Variants in LOXL2 observed in about 807,000 individuals in gnomAD.
LOXL2 encodes lysyl oxidase homolog 2.
A neutral mutation model predicts 93.0 loss-of-function variants in LOXL2; 70 were observed. The observed-to-expected ratio is 0.75, with a 90% CI of 0.62 to 0.92. The LOEUF (loss-of-function observed/expected upper bound fraction) is 0.92, where lower values mean the gene tolerates loss of function less well. Among genes scored for constraint, LOXL2 ranks in the 40% least tolerant of loss-of-function variants. The probability of loss-of-function intolerance (pLI) is 0.00; values close to 1 mark genes in which losing one functional copy is unlikely to be tolerated. For synonymous variants in LOXL2, 438 were observed against 413.2 expected, an observed-to-expected ratio of 1.06 and a Z score of -0.73; for missense variants, 973 against 1,054.9, an observed-to-expected ratio of 0.92 and a Z score of 1.08.
At chr8:23,380,474 A>C (rs769433615) in intron 1 of LOXL2, among the ~76,000 whole-genome samples, 9 of 151,714 alleles carry the variant, frequency 5.9e-5, no homozygotes, top group Non-Finnish European at 1.3e-4. Context: ...TGGATTATCC[A>C]ATCTGTGGGA....
At chr8:23,342,349 G>A (rs1346284187) in intron 3 of LOXL2, among the ~76,000 whole-genome samples, 2 of 152,046 alleles carry the variant, frequency 1.3e-5, no homozygotes, top group African/African-American at 2.4e-5. Context: ...GCCATCACCA[G>A]CTCTTGCGAC....
Position 23,303,300 on chromosome 8 carries a change from C to T in LOXL2, c.1978G>A (p.Asp660Asn). The T allele has an allele frequency of 6.2e-7, 1 of 1,612,498 alleles. No homozygotes were observed. Among genetic ancestry groups the T allele is most frequent in the South Asian group, 1.1e-5 (1 of 91,040 alleles). Residue 660 changes from aspartate (D) to asparagine (N), a missense_variant, in exon 11 of 14, where the codon GAC becomes AAC. Asp to Asn is a conservative substitution (Grantham distance 23). Transcript: ENST00000389131. Reference protein sequence around the residue: ...EGHKASFCLEDTECEGDIQKN... With the variant: ...EGHKASFCLENTECEGDIQKN... ...CAGATACCTCCTTCACATTCTGTGTCCTCCAAGCAGAAGCTGGCCTTGTGG... is the reference window on the plus strand; with the variant it reads ...CAGATACCTCCTTCACATTCTGTGTTCTCCAAGCAGAAGCTGGCCTTGTGG...
chr8:23,357,122 C>T (rs1017234056), intron 3 of LOXL2, among the ~76,000 whole-genome samples: 1 of 151,476 alleles, frequency 6.6e-6, no homozygotes, highest in African/African-American at 2.4e-5. Context: ...CAGGCTGGAG[C>T]GCAATGGCAG....
chr8:23,358,396 G>C (rs1483399999), intron 3 of LOXL2, among the ~76,000 whole-genome samples: 1 of 152,224 alleles, frequency 6.6e-6, no homozygotes, highest in East Asian at 1.9e-4. Context: ...AGCCATGACA[G>C]TAAAGGCCAC....
chr8:23,387,211 G>C (rs1425876382), intron 1 of LOXL2, among the ~76,000 whole-genome samples: 1 of 152,212 alleles, frequency 6.6e-6, no homozygotes, highest in Non-Finnish European at 1.5e-5. Context: ...GCACGGCTGA[G>C]AACCCTCTTA....
chr8:23,376,658 T>G (rs1339263517), intron 1 of LOXL2, among the ~76,000 whole-genome samples: 5 of 152,202 alleles, frequency 3.3e-5, no homozygotes, highest in Non-Finnish European at 5.9e-5. Flanking sequence ...TCTTCCTGGT[T>G]TAGTCTTGGG....
intron 4 of LOXL2, among the ~76,000 whole-genome samples, chr8:23,333,942 G>T (rs12681828): frequency 2.0e-5 from 3 of 152,044 alleles, no homozygotes; most frequent in Non-Finnish European, 2.9e-5. Context: ...AATGCACAAA[G>T]GTATTTAAAA....
intron 8 of LOXL2, 69 bp downstream of exon 8, chr8:23,319,816 G>T: frequency 6.6e-7 from 1 of 1,512,658 alleles, no homozygotes; most frequent in Non-Finnish European, 9.0e-7. Flanking sequence ...GGAGAGGGGG[G>T]CTGACTGAAG....
At chr8:23,333,820 G>T (rs1027186562) in intron 4 of LOXL2, among the ~76,000 whole-genome samples, 197 bp from the exon 5 acceptor site, 1 of 152,208 alleles carries the variant, frequency 6.6e-6, no homozygotes, top group Non-Finnish European at 1.5e-5. Context: ...GGCACTGGGG[G>T]ACAGGACGCA....
intron 3 of LOXL2, among the ~76,000 whole-genome samples, chr8:23,349,912 AG>A (rs1170776639): frequency 6.6e-6 from 1 of 152,094 alleles, no homozygotes; most frequent in African/African-American, 2.4e-5. Context: ...TGAGTGCCCA[AG>A]TCCAACATTT....
At chr8:23,325,902 C>T (rs1012758869) in intron 6 of LOXL2, among the ~76,000 whole-genome samples, 2 of 152,220 alleles carry the variant, frequency 1.3e-5, no homozygotes, top group Admixed American at 1.3e-4. Flanking sequence ...TGGAGCCAGT[C>T]AGAGCTGCAG....
intron 1 of LOXL2, among the ~76,000 whole-genome samples, chr8:23,397,594 C>A (rs987286471): frequency 2.6e-5 from 4 of 151,852 alleles, no homozygotes; most frequent in African/African-American, 9.7e-5. Context: ...CTGGCTAACA[C>A]GGTGAAACCC....
intron 10 of LOXL2, 22 bp downstream of exon 10, chr8:23,309,646 G>C: frequency 7.1e-7 from 1 of 1,413,388 alleles, no homozygotes; most frequent in Non-Finnish European, 9.3e-7. Context: ...GCTTAGTGGG[G>C]AGGGTGGCCA....
At chr8:23,350,083 C>G (rs1002427163) in intron 3 of LOXL2, among the ~76,000 whole-genome samples, 1 of 152,044 alleles carries the variant, frequency 6.6e-6, no homozygotes, top group Non-Finnish European at 1.5e-5. Flanking sequence ...CCCTAACACC[C>G]TCTCCCCTTT....
At chr8:23,352,454 G>C (rs1804110307) in intron 3 of LOXL2, among the ~76,000 whole-genome samples, 1 of 152,154 alleles carries the variant, frequency 6.6e-6, no homozygotes, top group Admixed American at 6.5e-5. Flanking sequence ...CCTCTCTGGT[G>C]GGAGTCAGGA....
intron 6 of LOXL2, among the ~76,000 whole-genome samples, chr8:23,327,809 G>A (rs141090571): frequency 2.9e-4 from 44 of 152,192 alleles, no homozygotes; most frequent in Middle Eastern, 3.4e-3. Context: ...CCTCCCTTCC[G>A]TTTTTTTGCT....
At chr8:23,314,842 A>C (rs574555891) in intron 9 of LOXL2, among the ~76,000 whole-genome samples, 1 of 149,400 alleles carries the variant, frequency 6.7e-6, no homozygotes, top group African/African-American at 2.6e-5. Context: ...GAAAAAAATA[A>C]AAATAAAAAT....
chr8:23,366,025 C>G (rs1429291848), intron 2 of LOXL2: 2 of 152,240 alleles, frequency 1.3e-5, no homozygotes, highest in Non-Finnish European at 2.9e-5. Context: ...CTCCTACTAC[C>G]CCGTGCCTGC....
Position 23,302,140 on chromosome 8 carries a change from C to T in LOXL2, c.2020G>A (p.Ala674Thr), listed in dbSNP as rs752543021. ...EGDIQKNYEC[A>T]NFGDQGITMG... ...GTGATGCCCTGATCGCCGAAGTTGG[C>T]ACACTCGTAATTCTTCTGGATGTCT... Residue 674 changes from alanine (A) to threonine (T), a missense_variant, in exon 12 of 14, where the codon GCC becomes ACC. Coordinates refer to ENST00000389131, the MANE Select transcript of LOXL2 (RefSeq NM_002318.3). 2 of 1,614,160 alleles carry T rather than the reference C, an allele frequency of 1.2e-6. No homozygotes were observed. Among genetic ancestry groups the T allele is most frequent in the South Asian group, 1.1e-5 (1 of 91,082 alleles).
Sources: gnomAD v4.1 joint callset for allele counts (sites outside exome capture counted in the v4.1 genomes callset) on GRCh38, gnomAD v4.1.1 for gene constraint, MANE v1.5 for transcripts, NCBI Gene and HGNC (gene_info 2026-07-23, HGNC 2026-07-21) for gene names.